The following DTNA variants were observed in gnomAD, a reference collection of about 807,000 sequenced individuals.
DTNA encodes dystrophin-related protein 3.
A neutral mutation model predicts 100.7 loss-of-function variants in DTNA; 43 were observed. The observed-to-expected ratio is 0.43, with a 90% CI of 0.33 to 0.55. DTNA has a LOEUF of 0.55. Among genes scored for constraint, DTNA ranks in the 20% least tolerant of loss-of-function variants. DTNA has a pLI of 0.04. For synonymous variants in DTNA, 349 were observed against 347.9 expected, an observed-to-expected ratio of 1.00 and a Z score of -0.04; for missense variants, 798 against 953.9, an observed-to-expected ratio of 0.84 and a Z score of 2.15.
chr18:34,700,732 C>T (rs563394410), intron 1 of DTNA, among the ~76,000 whole-genome samples: 2 of 152,208 alleles, frequency 1.3e-5, no homozygotes, highest in Admixed American at 6.5e-5. Context: ...CCTACTATTT[C>T]TATAGTCAGC....
intron 3 of DTNA, among the ~76,000 whole-genome samples, chr18:34,769,306 C>T (rs1407313745): frequency 6.6e-6 from 1 of 152,094 alleles, no homozygotes; most frequent in East Asian, 1.9e-4. Context: ...TGAAACCTTC[C>T]TTCTAGAAAG....
intron 1 of DTNA, among the ~76,000 whole-genome samples, chr18:34,576,585 A>G (rs2048132645): frequency 6.6e-6 from 1 of 151,982 alleles, no homozygotes; most frequent in South Asian, 2.1e-4. Context: ...TAGCCTTCCA[A>G]TTAGCTGAGA....
At chr18:34,652,677 A>G (rs559652206) in intron 1 of DTNA, among the ~76,000 whole-genome samples, 38 of 152,196 alleles carry the variant, frequency 2.5e-4, no homozygotes, top group Non-Finnish European at 5.0e-4. Context: ...AGATGCTTCA[A>G]CTGACATAAT....
intron 2 of DTNA, among the ~76,000 whole-genome samples, chr18:34,760,409 C>G (rs966031406): frequency 6.6e-6 from 1 of 152,140 alleles, no homozygotes. Flanking sequence ...TTCTCTCAAG[C>G]CTTTACCTTT....
At chr18:34,654,396 G>A (rs2074057091) in intron 1 of DTNA, among the ~76,000 whole-genome samples, 1 of 152,120 alleles carries the variant, frequency 6.6e-6, no homozygotes, top group Non-Finnish European at 1.5e-5. Context: ...CAAAACTCAA[G>A]ATTTCTCTAA....
chr18:34,597,306 C>CT (rs2050830609), intron 1 of DTNA, among the ~76,000 whole-genome samples: 1 of 152,180 alleles, frequency 6.6e-6, no homozygotes, highest in Non-Finnish European at 1.5e-5. Flanking sequence ...TTGACTCTTT[C>CT]TGGTTTCTCT....
intron 4 of DTNA, among the ~76,000 whole-genome samples, chr18:34,804,978 G>T (rs1031275775): frequency 6.6e-6 from 1 of 151,988 alleles, no homozygotes; most frequent in East Asian, 1.9e-4. Context: ...TATATATAAG[G>T]CATATGAATC....
chr18:34,813,648 T>A (rs1602507470), intron 6 of DTNA, among the ~76,000 whole-genome samples: 1 of 151,240 alleles, frequency 6.6e-6, no homozygotes, highest in African/African-American at 2.4e-5. Context: ...AGGTCAGGAG[T>A]TTGAGACCAG....
intron 1 of DTNA, among the ~76,000 whole-genome samples, chr18:34,516,443 A>G (rs1364583413): frequency 6.6e-6 from 1 of 152,072 alleles, no homozygotes; most frequent in Non-Finnish European, 1.5e-5. Flanking sequence ...ATCAGGAGAC[A>G]GGGTTTGAGA....
chr18:34,650,739 A>C (rs1327010731), intron 1 of DTNA, among the ~76,000 whole-genome samples: 1 of 152,160 alleles, frequency 6.6e-6, no homozygotes, highest in African/African-American at 2.4e-5. Context: ...AGTGCACTGA[A>C]TCAGACCCTT....
At chr18:34,831,631 A>T (rs1790533) in intron 11 of DTNA, among the ~76,000 whole-genome samples, 1 of 151,918 alleles carries the variant, frequency 6.6e-6, no homozygotes, top group Non-Finnish European at 1.5e-5. Flanking sequence ...GGCCAGGCAC[A>T]GTGGCGGGTG....
At chr18:34,639,713 A>G (rs552124473) in intron 1 of DTNA, among the ~76,000 whole-genome samples, 10 of 152,322 alleles carry the variant, frequency 6.6e-5, no homozygotes, top group African/African-American at 2.4e-4. Context: ...CAGGACTCAG[A>G]AGGAAAGAAA....
chr18:34,584,723 G>A (rs973195017), intron 1 of DTNA, among the ~76,000 whole-genome samples: 3 of 152,058 alleles, frequency 2.0e-5, no homozygotes, highest in African/African-American at 4.8e-5. Flanking sequence ...ATCAACTGGG[G>A]GAACTCATGC....
intron 1 of DTNA, among the ~76,000 whole-genome samples, chr18:34,644,406 A>G (rs1464123662): frequency 6.6e-6 from 1 of 152,148 alleles, no homozygotes; most frequent in Non-Finnish European, 1.5e-5. Context: ...AGCAGCTAGT[A>G]AAATAACTTT....
intron 9 of DTNA, among the ~76,000 whole-genome samples, chr18:34,826,112 A>G (rs907940834): frequency 3.9e-5 from 6 of 152,210 alleles, no homozygotes; most frequent in African/African-American, 2.4e-5. Flanking sequence ...TCTAGAGTAG[A>G]TAAGTAGCTG....
chr18:34,852,841 T>A (rs2096497800), intron 15 of DTNA, among the ~76,000 whole-genome samples: 1 of 152,192 alleles, frequency 6.6e-6, no homozygotes, highest in South Asian at 2.1e-4. Context: ...TCCTACCTAA[T>A]TGCCCCTAGC....
chr18:34,755,746 G>C (rs2092722876), intron 1 of DTNA: 2 of 501,760 alleles, frequency 4.0e-6, no homozygotes, highest in South Asian at 2.2e-5. Context: ...TTTTATGTTA[G>C]ACAATAAAAA....
At chr18:34,718,216 A>G (rs1309548023) in intron 1 of DTNA, among the ~76,000 whole-genome samples, 1 of 152,176 alleles carries the variant, frequency 6.6e-6, no homozygotes, top group Non-Finnish European at 1.5e-5. Flanking sequence ...AGGCGCAACT[A>G]CATCATGTAT....
chr18:34,751,060 C>T (rs950163084), intron 1 of DTNA, among the ~76,000 whole-genome samples: 3 of 152,158 alleles, frequency 2.0e-5, no homozygotes, highest in South Asian at 2.1e-4. Context: ...GCGGTGCAAC[C>T]CTCTTTTAAT....
Sources: gnomAD v4.1 joint callset for allele counts (sites outside exome capture counted in the v4.1 genomes callset) on GRCh38, gnomAD v4.1.1 for gene constraint, MANE v1.5 for transcripts, NCBI Gene and HGNC (gene_info 2026-07-23, HGNC 2026-07-21) for gene names.